OSBPL1A: variants seen among roughly 807,000 people sequenced by gnomAD.
OSBPL1A encodes oxysterol binding protein like 1A, also known as oxysterol-binding protein-related protein 1.
In OSBPL1A, 80 loss-of-function variants were observed where a neutral mutation model predicts 137.1. The observed-to-expected ratio is 0.58, with a 90% confidence interval of 0.49 to 0.70. The LOEUF (loss-of-function observed/expected upper bound fraction) is 0.70. Among genes scored for constraint, OSBPL1A ranks in the 30% least tolerant of loss-of-function variants. OSBPL1A has a pLI of 0.00. For missense variants in OSBPL1A, 970 were observed against 1,129.4 expected, an observed-to-expected ratio of 0.86 and a Z score of 2.02; for synonymous variants, 365 against 389.7, an observed-to-expected ratio of 0.94 and a Z score of 0.75.
In OSBPL1A at chr18:24,167,365, T is replaced by C. The variant is rs151249739; in HGVS notation, c.2499A>G (p.Leu833=). ...TTGGAGGCCGTGGGGCTATTCGCCA[T>C]AGAAGAACGCTTCCAGGGATAATGA... The part of the protein sequence containing the change: ...SVFIIPGSVL[L]WRIAPRPPNS... The change falls in exon 25 of 28, where the codon CTA becomes CTG. Residue 833 remains leucine (L), a synonymous_variant. Coordinates refer to ENST00000319481, the MANE Select transcript of OSBPL1A (RefSeq NM_080597.4). 2.3e-4 allele frequency: 378 copies of C among 1,614,218 alleles called. 1 individual carries two copies. The African/African-American group carries it at 2.7e-3, about 11-fold the overall frequency.
At position 24,333,023 on chromosome 18, in the gene OSBPL1A, A is replaced by G; in HGVS notation, c.544T>C (p.Cys182Arg). The G allele has an allele frequency of 6.2e-7, 1 of 1,614,180 alleles. No homozygotes were observed. The highest frequency in any genetic ancestry group is 8.5e-7 in the Non-Finnish European group (1 of 1,180,026). ...TGTTTATGGGCCCGGTAAGCTGCAC[A>G]ATGCAAGGGTGTATTTCCTAACTGA... is the stretch of plus-strand genomic sequence containing the variant. Reference protein sequence around the residue: ...SDQLGNTPLHCAAYRAHKQCA... With the variant: ...SDQLGNTPLHRAAYRAHKQCA... The change falls in exon 7 of 28, where the codon TGT (cysteine) becomes CGT (arginine). Residue 182 changes from cysteine (C) to arginine (R), a missense_variant. Physicochemically the swap from Cys to Arg is radical, Grantham distance 180 (BLOSUM62 -3). Around this residue, in one of 2 missense-constraint regions of OSBPL1A, gnomAD observed 647 missense variants for 672.6 expected, o/e 0.96. Coordinates refer to ENST00000319481, the MANE Select transcript of OSBPL1A (RefSeq NM_080597.4).
intron 17 of OSBPL1A, among the ~76,000 whole-genome samples, chr18:24,196,742 C>T (rs1459422417): frequency 3.3e-5 from 5 of 152,044 alleles, no homozygotes; most frequent in African/African-American, 1.2e-4. Context: ...GTATTTAGGC[C>T]CTGTAACATA....
chr18:24,254,447 G>A (rs1244470743), intron 15 of OSBPL1A, among the ~76,000 whole-genome samples: 2 of 152,042 alleles, frequency 1.3e-5, no homozygotes, highest in Non-Finnish European at 2.9e-5. Context: ...CATATGTTAG[G>A]CCACAAAACA....
chr18:24,301,533 G>A (rs182382721), intron 14 of OSBPL1A, among the ~76,000 whole-genome samples: 8 of 152,138 alleles, frequency 5.3e-5, no homozygotes, highest in Admixed American at 5.2e-4. Flanking sequence ...AGTTCTTGAC[G>A]TGTTTTAAAA....
intron 17 of OSBPL1A, among the ~76,000 whole-genome samples, chr18:24,223,862 G>C (rs550613706): frequency 8.3e-4 from 127 of 152,180 alleles, no homozygotes; most frequent in African/African-American, 2.9e-3. Context: ...CATCAGACTG[G>C]CATGGTGTAT....
At chr18:24,367,140 T>A (rs2091714374) in intron 3 of OSBPL1A, among the ~76,000 whole-genome samples, 174 bp from the exon 4 acceptor site, 1 of 152,094 alleles carries the variant, frequency 6.6e-6, no homozygotes, top group African/African-American at 2.4e-5. Context: ...TTTGAGCCCA[T>A]AGTCCCAGCT....
At chr18:24,215,968 C>T (rs1243727467) in intron 17 of OSBPL1A, among the ~76,000 whole-genome samples, 1 of 152,108 alleles carries the variant, frequency 6.6e-6, no homozygotes, top group Non-Finnish European at 1.5e-5. Flanking sequence ...CTGTTGACAT[C>T]CTGGGGATTA....
At chr18:24,270,790 C>G (rs932955267) in intron 15 of OSBPL1A, among the ~76,000 whole-genome samples, 11 of 152,130 alleles carry the variant, frequency 7.2e-5, no homozygotes, top group African/African-American at 2.7e-4. Context: ...ACACACATTT[C>G]AAGCATTTTT....
At chr18:24,382,929 T>C (rs1906704290) in intron 1 of OSBPL1A, among the ~76,000 whole-genome samples, 3 of 152,138 alleles carry the variant, frequency 2.0e-5, no homozygotes, top group African/African-American at 7.2e-5. Flanking sequence ...TTTATAAAAC[T>C]ATGAAATTGC....
intron 25 of OSBPL1A, 21 bp from the exon 26 acceptor site, chr18:24,166,723 G>A: frequency 6.2e-7 from 1 of 1,601,568 alleles, no homozygotes. Flanking sequence ...GCAAAAGGAA[G>A]AAATTAAAAT....
At chr18:24,292,532 AAGAGAGACGGCG>A (rs1467272897) in intron 14 of OSBPL1A, among the ~76,000 whole-genome samples, 1 of 152,158 alleles carries the variant, frequency 6.6e-6, no homozygotes, top group Non-Finnish European at 1.5e-5. Context: ...CACAGAGAGA[AAGAGAGACGGCG>A]AGAGAGAGGA....
At chr18:24,175,336 T>C (rs919587928) in intron 21 of OSBPL1A, among the ~76,000 whole-genome samples, 6 of 151,100 alleles carry the variant, frequency 4.0e-5, no homozygotes, top group African/African-American at 1.5e-4. Context: ...TAGGTGCATG[T>C]CACCAAACCT....
At chr18:24,393,447 T>C (rs1907503062) in intron 1 of OSBPL1A, among the ~76,000 whole-genome samples, 2 of 152,098 alleles carry the variant, frequency 1.3e-5, no homozygotes, top group Non-Finnish European at 2.9e-5. Flanking sequence ...TTTTTATTTA[T>C]TTATTTTTAT....
At chr18:24,373,845 A>G (rs1302724929) in intron 2 of OSBPL1A, among the ~76,000 whole-genome samples, 1 of 152,178 alleles carries the variant, frequency 6.6e-6, no homozygotes, top group Non-Finnish European at 1.5e-5. Flanking sequence ...AGAACTGCAT[A>G]TCATCTGACT....
rs559233897 is a variant in OSBPL1A at position 24,347,201 on chromosome 18, G to A, written c.283-5543C>T. Among the ~76,000 whole-genome samples the A allele has an allele frequency of 3.3e-5, 5 of 152,218 alleles. No individual in the cohort carries two copies. In the South Asian group the frequency reaches 8.3e-4, roughly 25 times the overall value. On this transcript the variant is annotated intron_variant, in intron 4 of 27. Coordinates refer to ENST00000319481, the MANE Select transcript of OSBPL1A (RefSeq NM_080597.4). ...AAAGTAATTTTATTTTTTGAGACAT[G>A]AGTCTTGTTCCGTCACCCAGGCTGG...
At chr18:24,283,277 A>AT (rs1248323616) in intron 14 of OSBPL1A, among the ~76,000 whole-genome samples, 2 of 98,628 alleles carry the variant, frequency 2.0e-5, no homozygotes, top group East Asian at 2.4e-4. Context: ...AAAAAAAAAA[A>AT]AAAAATATAT....
chr18:24,171,546 C>A, intron 22 of OSBPL1A, 48 bp from the exon 23 acceptor site: 2 of 1,430,262 alleles, frequency 1.4e-6, no homozygotes, highest in Non-Finnish European at 9.7e-7. Flanking sequence ...AGCAAAGCAG[C>A]AGTAGAGAAA....
At chr18:24,325,047 C>T (rs1179208293) in intron 7 of OSBPL1A, among the ~76,000 whole-genome samples, 2 of 151,886 alleles carry the variant, frequency 1.3e-5, no homozygotes, top group African/African-American at 4.8e-5. Flanking sequence ...GATTGCGCCA[C>T]TGCACTCCAG....
chr18:24,283,108 T>C (rs1187481160), intron 14 of OSBPL1A, among the ~76,000 whole-genome samples: 5 of 151,136 alleles, frequency 3.3e-5, no homozygotes, highest in Middle Eastern at 6.8e-3. Flanking sequence ...CTACTAAAAA[T>C]ACAAAAATTA....
Sources: gnomAD v4.1 joint callset for allele counts (sites outside exome capture counted in the v4.1 genomes callset) on GRCh38, gnomAD v4.1.1 for gene constraint, gnomAD v4.1.1 regional missense constraint, MANE v1.5 for transcripts, NCBI Gene and HGNC (gene_info 2026-07-23, HGNC 2026-07-21) for gene names.